Variants in EXOC6 observed in about 807,000 individuals in gnomAD.
EXOC6 encodes the protein SEC15-like 1.
A neutral mutation model predicts 112.5 loss-of-function variants in EXOC6; 60 were observed. The ratio of observed to expected loss-of-function variants is 0.53; its 90% CI spans 0.43 to 0.66. The LOEUF is 0.66. Ranked by LOEUF, EXOC6 falls within the 30% of genes least tolerant of loss-of-function variation. EXOC6 has a pLI of 0.00. For missense variants in EXOC6, 855 were observed against 957.1 expected (o/e 0.89, Z 1.41); for synonymous variants, 295 against 308.0 (o/e 0.96, Z 0.44).
intron 18 of EXOC6, among the ~76,000 whole-genome samples, chr10:92,977,879 A>G (rs1433205911): frequency 6.6e-6 from 1 of 152,166 alleles, no homozygotes; most frequent in African/African-American, 2.4e-5. Flanking sequence ...CTGCTTTTTC[A>G]TAAGACATAC....
intron 1 of EXOC6, among the ~76,000 whole-genome samples, chr10:92,842,621 C>T (rs1167878812): frequency 6.6e-6 from 1 of 150,446 alleles, no homozygotes; most frequent in Non-Finnish European, 1.5e-5. Context: ...AACAGGATGA[C>T]GAATAAGAAA....
chr10:93,043,526 T>C (rs1052382092), intron 20 of EXOC6, among the ~76,000 whole-genome samples: 4 of 152,218 alleles, frequency 2.6e-5, no homozygotes, highest in African/African-American at 9.7e-5. Flanking sequence ...TTTTTATGTA[T>C]TACAAAGAAG....
At chr10:92,978,555 A>G (rs1303673443) in intron 18 of EXOC6, among the ~76,000 whole-genome samples, 4 of 152,220 alleles carry the variant, frequency 2.6e-5, no homozygotes, top group Non-Finnish European at 4.4e-5. Flanking sequence ...ATTGCTTTGT[A>G]TATTAGTTTT....
intron 1 of EXOC6, among the ~76,000 whole-genome samples, chr10:92,886,462 T>A (rs1376956752): frequency 6.6e-6 from 1 of 152,236 alleles, no homozygotes; most frequent in Non-Finnish European, 1.5e-5. Context: ...GGATTCCCTA[T>A]TGAGTCATTC....
intron 4 of EXOC6, among the ~76,000 whole-genome samples, chr10:92,897,943 A>C (rs555903625): frequency 2.6e-5 from 4 of 152,310 alleles, no homozygotes; most frequent in African/African-American, 7.2e-5. Flanking sequence ...ACATGTTTTC[A>C]GGACTTCTGA....
chr10:92,969,811 A>G (rs925208586), intron 17 of EXOC6, among the ~76,000 whole-genome samples: 2 of 152,100 alleles, frequency 1.3e-5, no homozygotes, highest in African/African-American at 4.8e-5. Context: ...CTCATGCCTC[A>G]GCCTCCTGAG....
At chr10:92,878,627 G>A (rs1848793979) in intron 1 of EXOC6, among the ~76,000 whole-genome samples, 1 of 152,136 alleles carries the variant, frequency 6.6e-6, no homozygotes, top group Non-Finnish European at 1.5e-5. Flanking sequence ...TGCCCAGGAA[G>A]TTGCTTCTTC....
At chr10:92,919,700 C>A (rs896622064) in intron 7 of EXOC6, among the ~76,000 whole-genome samples, 1 of 152,076 alleles carries the variant, frequency 6.6e-6, no homozygotes, top group African/African-American at 2.4e-5. Context: ...TTTCTGTAAT[C>A]TATCATACAT....
In EXOC6 at chr10:93,042,235, C is replaced by T. The variant is rs145288456; in HGVS notation, c.2170-14689C>T. Among the ~76,000 whole-genome samples, 402 of 152,250 alleles carry T rather than the reference C, an allele frequency of 2.6e-3. 2 individuals are homozygous for T. Among genetic ancestry groups the T allele is most frequent in the African/African-American group, 8.9e-3 (368 of 41,552 alleles). ...ACTGTTCCATCTGCTTGAAATACCACGAGCCCTCCTTTGATTAACTCCTTA... is the reference window on the plus strand; with the variant it reads ...ACTGTTCCATCTGCTTGAAATACCATGAGCCCTCCTTTGATTAACTCCTTA... On this transcript the variant is annotated intron_variant, in intron 20 of 21. Transcript: ENST00000260762.
chr10:92,886,044 G>A (rs1036254143), intron 1 of EXOC6, among the ~76,000 whole-genome samples: 6 of 152,100 alleles, frequency 3.9e-5, no homozygotes, highest in Non-Finnish European at 7.3e-5. Flanking sequence ...AAAATTTTGG[G>A]AGACTGAAAG....
At chr10:93,019,716 A>G (rs934236109) in intron 20 of EXOC6, among the ~76,000 whole-genome samples, 4 of 152,190 alleles carry the variant, frequency 2.6e-5, no homozygotes, top group Admixed American at 6.5e-5. Flanking sequence ...GTTCCCTTAT[A>G]AGGTTCCTGA....
intron 18 of EXOC6, among the ~76,000 whole-genome samples, chr10:92,983,500 C>CTTTTTTTTT (rs11349490): frequency 9.1e-6 from 1 of 109,398 alleles, no homozygotes; most frequent in Non-Finnish European, 1.8e-5. Flanking sequence ...CTTTCTTCTT[C>CTTTTTTTTT]TTTTTTTTTT....
chr10:92,910,441 G>T (rs539809094), intron 6 of EXOC6, among the ~76,000 whole-genome samples: 1 of 152,238 alleles, frequency 6.6e-6, no homozygotes, highest in South Asian at 2.1e-4. Context: ...GAAAAAATCA[G>T]AACAGTGGTT....
In EXOC6 at chr10:92,925,537, C is replaced by G. The variant is rs180731120; in HGVS notation, c.889-2802C>G. On this transcript the variant is annotated intron_variant, in intron 8 of 21. Transcript: ENST00000260762. ...CTCGAACTCCTGGCCTCAAGTGATC[C>G]GTCCTCCTCGGCCTCCCAAAGTGCT... Among the ~76,000 whole-genome samples, 794 of 152,190 alleles carry G rather than the reference C, an allele frequency of 5.2e-3. 7 individuals carry two copies. The highest frequency in any genetic ancestry group is 5.1e-3 in the Non-Finnish European group (345 of 68,012).
chr10:92,887,704 C>T lies in EXOC6; in HGVS notation c.102-5645C>T, dbSNP rs867052906. Reference sequence around the variant, plus strand: ...ACAGGAGTGAGCCACCGTGCCCAGCCGATTAATTCCATTTTGAGCGCTTGC... The same window carrying T: ...ACAGGAGTGAGCCACCGTGCCCAGCTGATTAATTCCATTTTGAGCGCTTGC... On this transcript the variant is annotated intron_variant, in intron 1 of 21. Coordinates refer to ENST00000260762, the MANE Select transcript of EXOC6 (RefSeq NM_019053.6). 6.6e-4 allele frequency among the ~76,000 whole-genome samples: 100 copies of T among 152,156 alleles called. No individual in the cohort carries two copies. In the Middle Eastern group the frequency reaches 0.014, roughly 21 times the overall value.
chr10:92,929,281 C>A (rs1170227990), intron 9 of EXOC6, among the ~76,000 whole-genome samples: 1 of 152,198 alleles, frequency 6.6e-6, no homozygotes, highest in Non-Finnish European at 1.5e-5. Flanking sequence ...AAAAATCCTT[C>A]TGAGAATTCA....
chr10:92,976,678 TAAAA>T lies in EXOC6; in HGVS notation c.1953+2456_1953+2459del, dbSNP rs59201153. Among the ~76,000 whole-genome samples the T allele has an allele frequency of 1.9e-3, 266 of 141,108 alleles. 1 individual carries two copies. The highest frequency in any genetic ancestry group is 6.7e-3 in the African/African-American group (258 of 38,404). 92.6% of individuals were successfully genotyped at this position (141,108 alleles called of 152,430 possible). ...ATCAGTAAAAAAAAAAATAATAAAT[TAAAA>T]AAAAAAAAACATAATTAATGGCTTT... On this transcript the variant is annotated intron_variant, in intron 18 of 21. Coordinates refer to ENST00000260762, the MANE Select transcript of EXOC6 (RefSeq NM_019053.6).
upstream of EXOC6, among the ~76,000 whole-genome samples, chr10:92,834,487 C>G (rs1199924493): frequency 6.6e-6 from 1 of 152,084 alleles, no homozygotes; most frequent in Non-Finnish European, 1.5e-5. Context: ...ACTTTCCGAA[C>G]TGTGTCAAGG....
chr10:92,882,498 C>T (rs936573417), intron 1 of EXOC6, among the ~76,000 whole-genome samples: 14 of 143,772 alleles, frequency 9.7e-5, no homozygotes, highest in African/African-American at 3.1e-4. Flanking sequence ...GAGCCAAGAT[C>T]GTGCCACTAC....
Sources: allele counts gnomAD v4.1 joint callset (sites outside exome capture counted in the v4.1 genomes callset), GRCh38; gene constraint gnomAD v4.1.1; transcripts MANE v1.5; gene names NCBI Gene and HGNC (gene_info 2026-07-23, HGNC 2026-07-21).